ATP9B: variants seen among roughly 807,000 people sequenced by gnomAD.
ATP9B encodes probable phospholipid-transporting ATPase IIB.
Under a neutral mutation model 146.1 loss-of-function variants are expected in ATP9B, and 110 were observed. That is an observed-to-expected ratio of 0.75 (90% CI 0.65 to 0.88). The LOEUF (loss-of-function observed/expected upper bound fraction) is 0.88, where lower values mean the gene tolerates loss of function less well. Ranked by LOEUF, ATP9B falls within the 40% of genes least tolerant of loss-of-function variation. ATP9B has a pLI of 0.00. For missense variants in ATP9B, 1,499 were observed against 1,496.4 expected, an observed-to-expected ratio of 1.00 and a Z score of -0.03; for synonymous variants, 604 against 569.7, an observed-to-expected ratio of 1.06 and a Z score of -0.86.
chr18:79,199,927 C>G (rs528711420), intron 9 of ATP9B, among the ~76,000 whole-genome samples: 1 of 152,292 alleles, frequency 6.6e-6, no homozygotes, highest in East Asian at 1.9e-4. Context: ...ATGTGTTTTT[C>G]TGGCAGAACC....
chr18:79,240,270 G>A (rs2095876179), intron 11 of ATP9B, among the ~76,000 whole-genome samples: 1 of 152,158 alleles, frequency 6.6e-6, no homozygotes, highest in African/African-American at 2.4e-5. Context: ...TACCAGTTGA[G>A]CAGGAAGTTT....
In ATP9B at chr18:79,285,429, G is replaced by T. The variant is rs544307076; in HGVS notation, c.1411+8233G>T. ...CTGCATAAATGTCTTCTTTTGAGAA[G>T]TGCCTGTTCATGTCCTTCGCCCACT... On this transcript the variant is annotated intron_variant, in intron 13 of 29. Transcript: ENST00000426216. 2.0e-5 allele frequency among the ~76,000 whole-genome samples: 3 copies of T among 152,330 alleles called. No individual in the cohort carries two copies. The East Asian group carries it at 5.8e-4, about 29-fold the overall frequency.
chr18:79,240,368 A>G (rs2144682769), intron 11 of ATP9B, among the ~76,000 whole-genome samples: 1 of 152,386 alleles, frequency 6.6e-6, no homozygotes, highest in South Asian at 2.1e-4. Flanking sequence ...ACCACATCCA[A>G]ATAAAAATAG....
intron 11 of ATP9B, among the ~76,000 whole-genome samples, chr18:79,220,660 GGCAAATT>G (rs1160590851): frequency 6.6e-6 from 1 of 152,112 alleles, no homozygotes; most frequent in African/African-American, 2.4e-5. Context: ...TGTATGTCAA[GGCAAATT>G]GAGCATCATT....
chr18:79,169,322 T>C (rs1281059742), intron 7 of ATP9B, among the ~76,000 whole-genome samples: 3 of 152,226 alleles, frequency 2.0e-5, no homozygotes, highest in Non-Finnish European at 4.4e-5. Context: ...CTTTACTTGT[T>C]ATACTGTCAC....
intron 26 of ATP9B, chr18:79,362,705 A>C (rs1040720952): frequency 6.6e-6 from 1 of 152,264 alleles, no homozygotes; most frequent in Non-Finnish European, 1.5e-5. Flanking sequence ...ACCCTGGTTA[A>C]GTGAGCCAGC....
intron 19 of ATP9B, 21 bp from the exon 20 acceptor site, chr18:79,342,247 C>T: frequency 1.9e-6 from 3 of 1,566,402 alleles, no homozygotes; most frequent in Non-Finnish European, 2.6e-6. Flanking sequence ...TTGAAATTCA[C>T]CAGTTTAAAT....
chr18:79,154,525 A>T lies in ATP9B; in HGVS notation c.748A>T (p.Met250Leu), dbSNP rs1368860151. The T allele has an allele frequency of 1.3e-6, 2 of 1,542,930 alleles. No homozygotes were observed. Among genetic ancestry groups the T allele is most frequent in the African/African-American group, 2.8e-5 (2 of 70,842 alleles). ...VEKNQRIPSD[M>L]VFLRTSEKAG... Reference sequence around the variant, plus strand: ...GCAGAATCAAAGAATTCCATCGGACATGGTGTTTCTTAGGACTTCAGAAAA... The same window carrying T: ...GCAGAATCAAAGAATTCCATCGGACTTGGTGTTTCTTAGGACTTCAGAAAA... The change falls in exon 7 of 30, where the codon ATG becomes TTG. Residue 250 changes from methionine (M) to leucine (L), a missense_variant. Coordinates refer to ENST00000426216, the MANE Select transcript of ATP9B (RefSeq NM_198531.5).
chr18:79,271,434 T>C (rs2096253608), intron 12 of ATP9B, among the ~76,000 whole-genome samples: 1 of 141,520 alleles, frequency 7.1e-6, no homozygotes, highest in Non-Finnish European at 1.5e-5. Context: ...TTCCCCTTCC[T>C]GTGTCCATGT....
intron 17 of ATP9B, among the ~76,000 whole-genome samples, chr18:79,333,919 A>T (rs948011347): frequency 6.6e-6 from 1 of 152,206 alleles, no homozygotes; most frequent in Non-Finnish European, 1.5e-5. Context: ...GAGTTGCTCA[A>T]ATTTGAAATT....
intron 13 of ATP9B, among the ~76,000 whole-genome samples, chr18:79,281,463 T>C (rs1174016417): frequency 6.6e-6 from 1 of 151,564 alleles, no homozygotes; most frequent in African/African-American, 2.4e-5. Flanking sequence ...CGCCATTGCA[T>C]GCCAGCCTGG....
At chr18:79,360,605 T>G (rs1014936156) in intron 26 of ATP9B, 4 of 152,228 alleles carry the variant, frequency 2.6e-5, no homozygotes, top group African/African-American at 9.6e-5. Flanking sequence ...TAACCACTCA[T>G]TAGCCAGAGA....
In ATP9B at chr18:79,231,776, G is replaced by A. The variant is rs371780960; in HGVS notation, c.1107+17738G>A. ...GAGTAGATAAAGAAAATGTGTGTGT[G>A]TGTATATATATATATATATATATAT... is the stretch of plus-strand genomic sequence containing the variant. On this transcript the variant is annotated intron_variant, in intron 11 of 29. Transcript: ENST00000426216. Among the ~76,000 whole-genome samples, 9 of 95,004 alleles carry A rather than the reference G, an allele frequency of 9.5e-5. 1 individual carries two copies. The highest frequency in any genetic ancestry group is 9.2e-4 in the South Asian group (3 of 3,264). The allele number at this position is 95,004 out of a possible 152,430, so 62.3% of individuals were successfully genotyped here.
intron 7 of ATP9B, among the ~76,000 whole-genome samples, chr18:79,174,940 C>T (rs978003936): frequency 1.3e-5 from 2 of 152,106 alleles, no homozygotes; most frequent in African/African-American, 4.8e-5. Context: ...GTGGCTCACA[C>T]CTGTAATCCC....
intron 26 of ATP9B, among the ~76,000 whole-genome samples, chr18:79,365,259 C>T (rs1030178315): frequency 6.6e-6 from 1 of 152,162 alleles, no homozygotes; most frequent in African/African-American, 2.4e-5. Context: ...TGTGAAGATG[C>T]TCAGTGCCAT....
chr18:79,284,894 G>C (rs1180880784), intron 13 of ATP9B, among the ~76,000 whole-genome samples: 1 of 151,760 alleles, frequency 6.6e-6, no homozygotes, highest in East Asian at 1.9e-4. Context: ...TCTTGCGATA[G>C]TTTATTGAGA....
intron 12 of ATP9B, among the ~76,000 whole-genome samples, chr18:79,260,278 A>T (rs1362662201): frequency 1.3e-5 from 2 of 152,176 alleles, no homozygotes; most frequent in African/African-American, 4.8e-5. Flanking sequence ...AAGTGTGAGC[A>T]TGTGAAGGAG....
At chr18:79,183,750 T>C (rs1231619459) in intron 8 of ATP9B, among the ~76,000 whole-genome samples, 1 of 150,754 alleles carries the variant, frequency 6.6e-6, no homozygotes, top group African/African-American at 2.4e-5. Flanking sequence ...AATCTGATTA[T>C]CTACCATTTT....
intron 9 of ATP9B, among the ~76,000 whole-genome samples, chr18:79,201,984 T>A (rs1332017469): frequency 6.6e-6 from 1 of 152,000 alleles, no homozygotes; most frequent in African/African-American, 2.4e-5. Flanking sequence ...CCTGCCAGGT[T>A]GAGGTGGAGC....
Sources: gnomAD v4.1 joint callset for allele counts (sites outside exome capture counted in the v4.1 genomes callset) on GRCh38, gnomAD v4.1.1 for gene constraint, MANE v1.5 for transcripts, NCBI Gene and HGNC (gene_info 2026-07-23, HGNC 2026-07-21) for gene names.